The following ZNF385B variants were observed in gnomAD, a reference collection of about 807,000 sequenced individuals.
The protein encoded by ZNF385B is zinc finger protein 385B.
In ZNF385B, 23 loss-of-function variants were observed where a neutral mutation model predicts 39.2. That is an observed-to-expected ratio of 0.59 (90% CI 0.42 to 0.83). ZNF385B has a LOEUF of 0.83. Among genes scored for constraint, ZNF385B ranks in the 40% least tolerant of loss-of-function variants. The probability of loss-of-function intolerance (pLI) is 0.00; values close to 1 mark genes in which losing one functional copy is unlikely to be tolerated. For synonymous variants in ZNF385B, 205 were observed against 222.6 expected, an observed-to-expected ratio of 0.92 and a Z score of 0.70; for missense variants, 552 against 598.9, an observed-to-expected ratio of 0.92 and a Z score of 0.82.
chr2:179,491,991 T>C (rs2055285759), intron 5 of ZNF385B, among the ~76,000 whole-genome samples: 1 of 152,354 alleles, frequency 6.6e-6, no homozygotes, highest in Non-Finnish European at 1.5e-5. Context: ...TGCAACACCA[T>C]GCCTGGCCAT....
chr2:179,754,158 G>A (rs1275372457), intron 3 of ZNF385B, among the ~76,000 whole-genome samples: 1 of 152,092 alleles, frequency 6.6e-6, no homozygotes, highest in Non-Finnish European at 1.5e-5. Context: ...GTCGAATTTT[G>A]TCAAAGGCCT....
chr2:179,676,381 C>A (rs192536918), intron 3 of ZNF385B, among the ~76,000 whole-genome samples: 1 of 151,106 alleles, frequency 6.6e-6, no homozygotes, highest in African/African-American at 2.4e-5. Flanking sequence ...AGCCACCACG[C>A]CCAGCCTAAT....
chr2:179,576,055 C>A, intron 3 of ZNF385B: 1 of 810,616 alleles, frequency 1.2e-6, no homozygotes, highest in African/African-American at 1.9e-5. Flanking sequence ...GCAACTCTGG[C>A]ACAACACTTG....
intron 1 of ZNF385B, among the ~76,000 whole-genome samples, chr2:179,804,150 C>G (rs868200272): frequency 2.6e-5 from 4 of 152,282 alleles, no homozygotes; most frequent in Middle Eastern, 3.4e-3. Context: ...CAAAGGGAAC[C>G]TTATTGTCAG....
At chr2:179,501,777 A>T (rs1271740135) in intron 5 of ZNF385B, among the ~76,000 whole-genome samples, 1 of 152,210 alleles carries the variant, frequency 6.6e-6, no homozygotes, top group African/African-American at 2.4e-5. Flanking sequence ...GCTTGAGGGG[A>T]TAGCTACCCC....
At chr2:179,854,332 A>G (rs1420063709) in intron 1 of ZNF385B, among the ~76,000 whole-genome samples, 3 of 152,040 alleles carry the variant, frequency 2.0e-5, no homozygotes, top group African/African-American at 7.2e-5. Flanking sequence ...TCTGGGTCTC[A>G]TTTTTCTAAT....
intron 3 of ZNF385B, among the ~76,000 whole-genome samples, chr2:179,639,772 G>A (rs1481033345): frequency 6.6e-6 from 1 of 152,050 alleles, no homozygotes; most frequent in African/African-American, 2.4e-5. Context: ...AACCACTAGG[G>A]AAAAATCTGG....
At chr2:179,521,768 A>C (rs1453719753) in intron 4 of ZNF385B, among the ~76,000 whole-genome samples, 3 of 152,170 alleles carry the variant, frequency 2.0e-5, no homozygotes, top group Non-Finnish European at 4.4e-5. Flanking sequence ...AAATAAGCAC[A>C]GCCCTTTTAC....
At position 179,714,942 on chromosome 2, in the gene ZNF385B, C is replaced by CAAAAA. The variant is rs34449760; in HGVS notation, c.298+54556_298+54560dup. The stretch of plus-strand genomic sequence containing the variant: ...TGGGTAACAAAGCGAGATTCTATCT[C>CAAAAA]AAAAAAAAAAAAAAAAAAACAGTTT... On this transcript the variant is annotated intron_variant, in intron 3 of 9. Coordinates refer to ENST00000410066, the MANE Select transcript of ZNF385B (RefSeq NM_152520.6). 3.8e-3 allele frequency among the ~76,000 whole-genome samples: 296 copies of CAAAAA among 78,036 alleles called. 10 individuals are homozygous for CAAAAA. Among genetic ancestry groups the CAAAAA allele is most frequent in the Non-Finnish European group, 4.2e-3 (186 of 43,874 alleles). 51.2% of individuals were successfully genotyped at this position (78,036 alleles called of 152,430 possible).
intron 5 of ZNF385B, among the ~76,000 whole-genome samples, chr2:179,516,983 CTGTT>C (rs2058135904): frequency 6.6e-6 from 1 of 151,756 alleles, no homozygotes; most frequent in Non-Finnish European, 1.5e-5. Flanking sequence ...TCTTCTAGCA[CTGTT>C]TGTTGAAAAG....
intron 3 of ZNF385B, among the ~76,000 whole-genome samples, chr2:179,760,632 A>C (rs765251900): frequency 4.6e-5 from 7 of 152,174 alleles, no homozygotes. Flanking sequence ...TTTTACAAAA[A>C]GGCTCATTGC....
intron 5 of ZNF385B, among the ~76,000 whole-genome samples, chr2:179,502,254 T>C (rs1339459276): frequency 6.6e-6 from 1 of 152,236 alleles, no homozygotes; most frequent in Non-Finnish European, 1.5e-5. Flanking sequence ...GAATTAACGC[T>C]AGAGTGAGTT....
intron 1 of ZNF385B, among the ~76,000 whole-genome samples, chr2:179,823,205 C>T (rs1284019897): frequency 1.3e-5 from 2 of 152,044 alleles, no homozygotes; most frequent in African/African-American, 4.8e-5. Context: ...GGGTCTTATC[C>T]CCCCATATCA....
At chr2:179,565,179 T>C (rs1684414389) in intron 3 of ZNF385B, among the ~76,000 whole-genome samples, 1 of 152,194 alleles carries the variant, frequency 6.6e-6, no homozygotes, top group Non-Finnish European at 1.5e-5. Context: ...ACATCTCCTG[T>C]GGCTTCTCTC....
intron 3 of ZNF385B, among the ~76,000 whole-genome samples, chr2:179,592,441 C>T (rs932556877): frequency 6.6e-6 from 1 of 152,090 alleles, no homozygotes; most frequent in South Asian, 2.1e-4. Context: ...GAAGGCTTTC[C>T]TTTGGTAATA....
chr2:179,656,917 C>T (rs1515282), intron 3 of ZNF385B, among the ~76,000 whole-genome samples: 12,318 of 152,134 alleles, frequency 0.081, 650 homozygotes, highest in East Asian at 0.16. Flanking sequence ...TTATTGCTTA[C>T]AATTGTATGG....
chr2:179,670,057 C>T (rs1255825429), intron 3 of ZNF385B, among the ~76,000 whole-genome samples: 2 of 151,742 alleles, frequency 1.3e-5, no homozygotes, highest in African/African-American at 4.8e-5. Flanking sequence ...TTTGGGAGGC[C>T]GAGGCGGGCG....
intron 3 of ZNF385B, among the ~76,000 whole-genome samples, chr2:179,687,533 C>T (rs943631352): frequency 1.3e-5 from 2 of 152,202 alleles, no homozygotes; most frequent in African/African-American, 4.8e-5. Flanking sequence ...TTAAAAATAT[C>T]CCCCAACCCC....
intron 4 of ZNF385B, among the ~76,000 whole-genome samples, chr2:179,520,064 G>T (rs1167127650): frequency 6.6e-6 from 1 of 152,004 alleles, no homozygotes; most frequent in East Asian, 1.9e-4. Flanking sequence ...AGGTGCAGGG[G>T]CTTATGCCTA....
Sources: gnomAD v4.1 joint callset for allele counts (sites outside exome capture counted in the v4.1 genomes callset) on GRCh38, gnomAD v4.1.1 for gene constraint, MANE v1.5 for transcripts, NCBI Gene and HGNC (gene_info 2026-07-23, HGNC 2026-07-21) for gene names.